The following TXNRD1 variants were observed in gnomAD, a reference collection of about 807,000 sequenced individuals.
TXNRD1 encodes the protein thioredoxin reductase 1, also known as thioredoxin reductase 1, cytoplasmic.
Under a neutral mutation model 80.3 loss-of-function variants are expected in TXNRD1, and 57 were observed. The observed-to-expected ratio is 0.71, with a 90% CI of 0.57 to 0.89. The LOEUF (loss-of-function observed/expected upper bound fraction) is 0.89, where lower values mean the gene tolerates loss of function less well. TXNRD1 is among the 40% of genes least tolerant of loss of function. The pLI is 0.00. For missense variants in TXNRD1, 730 were observed against 803.0 expected, an observed-to-expected ratio of 0.91 and a Z score of 1.10; for synonymous variants, 291 against 285.2, an observed-to-expected ratio of 1.02 and a Z score of -0.20.
At position 104,350,098 on chromosome 12, in the gene TXNRD1, C is replaced by T. The variant is rs1802430; in HGVS notation, c.*1677C>T. On this transcript the variant is annotated 3_prime_UTR_variant, in exon 17 of 17. Transcript: ENST00000525566. ...TCAGGCCTAATCATGTTGTGATTCT[C>T]TTTTCTTAGTGGAGTGGAATGTTCT... 6.6e-6 allele frequency: 1 copy of T among 152,108 alleles called. No homozygotes were observed. Among genetic ancestry groups the T allele is most frequent in the Admixed American group, 6.6e-5 (1 of 15,254 alleles). The allele number at this position is 152,108 out of a possible 1,614,324, so 9.4% of individuals were successfully genotyped here.
intron 3 of TXNRD1, chr12:104,262,205 C>T (rs1005607446): frequency 2.2e-5 from 3 of 136,922 alleles, no homozygotes; most frequent in African/African-American, 5.8e-5. Context: ...GCACTTCAGC[C>T]TGGGCAACAA....
intron 3 of TXNRD1, chr12:104,284,481 C>A (rs2033935534): frequency 6.6e-6 from 1 of 152,064 alleles, no homozygotes; most frequent in Non-Finnish European, 1.5e-5. Context: ...GAGAGAAAGG[C>A]TTATTATAGG....
At chr12:104,311,609 C>T (rs2035135322) in intron 5 of TXNRD1, among the ~76,000 whole-genome samples, 197 bp downstream of exon 5, 1 of 152,182 alleles carries the variant, frequency 6.6e-6, no homozygotes, top group Non-Finnish European at 1.5e-5. Flanking sequence ...AATATACATT[C>T]CTTATATTAA....
chr12:104,229,662 A>T (rs1412183516), intron 1 of TXNRD1, among the ~76,000 whole-genome samples: 2 of 150,752 alleles, frequency 1.3e-5, no homozygotes, highest in African/African-American at 2.4e-5. Flanking sequence ...GCGAGATCTC[A>T]GCTCACTGCA....
chr12:104,308,681 C>T (rs1439592114), intron 4 of TXNRD1, among the ~76,000 whole-genome samples: 1 of 151,958 alleles, frequency 6.6e-6, no homozygotes, highest in East Asian at 1.9e-4. Flanking sequence ...TAGCAGCCAC[C>T]ACAGTCAGCG....
chr12:104,305,565 G>T (rs138404543), intron 4 of TXNRD1, among the ~76,000 whole-genome samples: 2 of 152,308 alleles, frequency 1.3e-5, no homozygotes, highest in Non-Finnish European at 1.5e-5. Flanking sequence ...GAAGGAAAAG[G>T]CATTCTAGGC....
chr12:104,298,939 GTCC>G (rs1329579239), intron 4 of TXNRD1, among the ~76,000 whole-genome samples: 3 of 151,770 alleles, frequency 2.0e-5, no homozygotes, highest in Non-Finnish European at 4.4e-5. Context: ...AAATACAGTT[GTCC>G]CTCGGTATCT....
chr12:104,287,431 G>A lies in TXNRD1; in HGVS notation c.305-1500G>A, dbSNP rs183187189. 19 of 1,613,630 alleles carry A rather than the reference G, an allele frequency of 1.2e-5. No individual in the cohort carries two copies. The African/African-American group carries it at 1.5e-4, about 12-fold the overall frequency. On this transcript the variant is annotated intron_variant, in intron 3 of 16. Coordinates refer to ENST00000525566, the MANE Select transcript of TXNRD1 (RefSeq NM_001093771.3). ...AGTTTGCAGAACAGCGGAGAAAATG[G>A]GTATTGTATCGTTTCTTACAGAGTC...
At chr12:104,320,810 T>C (rs1362136797) in intron 9 of TXNRD1, among the ~76,000 whole-genome samples, 1 of 152,172 alleles carries the variant, frequency 6.6e-6, no homozygotes, top group Non-Finnish European at 1.5e-5. Flanking sequence ...CAAAATCATT[T>C]AGTGTGAAGA....
At chr12:104,304,201 C>T (rs959054593) in intron 4 of TXNRD1, 1 of 1,613,950 alleles carries the variant, frequency 6.2e-7, no homozygotes, top group African/African-American at 1.3e-5. Context: ...CAGCCCTCGA[C>T]GCCCGGTTTC....
chr12:104,288,904 G>C (rs2034073961), intron 3 of TXNRD1, 27 bp from the exon 4 acceptor site: 1 of 1,613,804 alleles, frequency 6.2e-7, no homozygotes, highest in Admixed American at 1.7e-5. Flanking sequence ...CACCTTACAC[G>C]CTCCGCTCTG....
chr12:104,338,659 T>A (rs1195856957), intron 15 of TXNRD1, among the ~76,000 whole-genome samples: 1 of 150,634 alleles, frequency 6.6e-6, no homozygotes, highest in Non-Finnish European at 1.5e-5. Context: ...ATCGCGCCAT[T>A]GCACTCCAGC....
At chr12:104,217,278 G>A (rs1364728054) in intron 1 of TXNRD1, among the ~76,000 whole-genome samples, 2 of 143,360 alleles carry the variant, frequency 1.4e-5, no homozygotes, top group African/African-American at 5.2e-5. Flanking sequence ...TTCTTTTTGT[G>A]TGTGGTTAAA....
intron 3 of TXNRD1, among the ~76,000 whole-genome samples, chr12:104,279,085 A>G (rs1406195437): frequency 6.6e-6 from 1 of 152,210 alleles, no homozygotes; most frequent in Non-Finnish European, 1.5e-5. Flanking sequence ...TTAAACTTAA[A>G]TAACATTAGA....
At chr12:104,281,240 A>G (rs968926227) in intron 3 of TXNRD1, among the ~76,000 whole-genome samples, 7 of 152,022 alleles carry the variant, frequency 4.6e-5, no homozygotes, top group Admixed American at 3.3e-4. Flanking sequence ...TTTCTCTTAC[A>G]TCTCTTATTC....
intron 16 of TXNRD1, among the ~76,000 whole-genome samples, chr12:104,345,774 A>C (rs1351543066): frequency 6.6e-6 from 1 of 152,128 alleles, no homozygotes; most frequent in Non-Finnish European, 1.5e-5. Context: ...GTTTGTTTTT[A>C]ATTTAATAGT....
At chr12:104,257,796 A>G (rs2033289818) in intron 2 of TXNRD1, among the ~76,000 whole-genome samples, 2 of 152,244 alleles carry the variant, frequency 1.3e-5, no homozygotes, top group African/African-American at 4.8e-5. Flanking sequence ...GAAGCGATAC[A>G]GATGAATCAT....
chr12:104,293,364 C>G (rs10735394), intron 4 of TXNRD1, among the ~76,000 whole-genome samples: 1 of 152,120 alleles, frequency 6.6e-6, no homozygotes, highest in Non-Finnish European at 1.5e-5. Flanking sequence ...TGACAGGCAC[C>G]AAGCAATGCG....
intron 3 of TXNRD1, among the ~76,000 whole-genome samples, chr12:104,258,995 A>C (rs138293585): frequency 8.2e-4 from 125 of 152,292 alleles, no homozygotes; most frequent in Non-Finnish European, 1.3e-3. Flanking sequence ...GGGCTCTTCC[A>C]GATTAGGAAG....
Sources: allele counts gnomAD v4.1 joint callset (sites outside exome capture counted in the v4.1 genomes callset), GRCh38; gene constraint gnomAD v4.1.1; transcripts MANE v1.5; gene names NCBI Gene and HGNC (gene_info 2026-07-23, HGNC 2026-07-21).